The following CHRNA6 variants were observed in gnomAD, a reference collection of about 807,000 sequenced individuals.
The protein encoded by CHRNA6 is cholinergic receptor nicotinic alpha 6 subunit, also known as neuronal acetylcholine receptor subunit alpha-6.
In CHRNA6, 31 loss-of-function variants were observed where a neutral mutation model predicts 40.9. That is an observed-to-expected ratio of 0.76 (90% CI 0.57 to 1.02). CHRNA6 has a LOEUF of 1.02. Ranked by LOEUF, CHRNA6 falls within the 50% of genes least tolerant of loss-of-function variation. CHRNA6 has a pLI of 0.00. For synonymous variants in CHRNA6, 222 were observed against 221.3 expected (o/e 1.00, Z -0.03); for missense variants, 546 against 596.6 (o/e 0.92, Z 0.88).
At chr8:42,753,762 G>A (rs757362063) in intron 5 of CHRNA6, among the ~76,000 whole-genome samples, 8 of 152,160 alleles carry the variant, frequency 5.3e-5, no homozygotes, top group South Asian at 2.1e-4. Flanking sequence ...ATTTTGTTTC[G>A]TTTGCAGAGG....
chr8:42,756,271 T>G lies in CHRNA6; in HGVS notation c.928A>C (p.Thr310Pro), dbSNP rs773917226. Reference protein sequence around the residue: ...VPLVGEYLLFTMIFVTLSIVV... With the variant: ...VPLVGEYLLFPMIFVTLSIVV... ...ATGGACAGTGTGACAAAGATCATGG[T>G]GAACAGCAGGTACTCACCCACCAGT... The change falls in exon 5 of 6, where the codon ACC becomes CCC. Residue 310 changes from threonine (T) to proline (P), a missense_variant. Around this residue, in one of 3 missense-constraint regions of CHRNA6, gnomAD observed 476 missense variants for 494.5 expected, o/e 0.96. Transcript: ENST00000276410. 8.7e-6 allele frequency: 14 copies of G among 1,614,056 alleles called. No homozygotes were observed. The highest frequency in any genetic ancestry group is 6.7e-5 in the Admixed American group (4 of 59,998).
intron 2 of CHRNA6, among the ~76,000 whole-genome samples, chr8:42,764,273 C>T: frequency 6.6e-6 from 1 of 152,148 alleles, no homozygotes; most frequent in East Asian, 1.9e-4. Flanking sequence ...AATTCCCAAC[C>T]TCTTTTTTTT....
chr8:42,756,897 G>A (rs766013495), intron 4 of CHRNA6, 31 bp downstream of exon 4: 1 of 1,610,830 alleles, frequency 6.2e-7, no homozygotes, highest in Non-Finnish European at 8.5e-7. Context: ...AGCAGCTTTG[G>A]AAAGAGGCTA....
Position 42,756,755 on chromosome 8 carries a change from C to T in CHRNA6, c.444G>A (p.Trp148Ter), listed in dbSNP as rs919417562. 1 of 1,612,868 alleles carries T rather than the reference C, an allele frequency of 6.2e-7. No individual in the cohort carries two copies. The change falls in exon 5 of 6, where the codon TGG (tryptophan) becomes TGA (stop). Residue 148 changes from tryptophan to a stop codon, truncating the protein, a stop_gained. Coordinates refer to ENST00000276410, the MANE Select transcript of CHRNA6 (RefSeq NM_004198.3). LOFTEE classifies it high-confidence loss of function. ...AACTCTTAAAAATAGCTGGTGGAGTCCAGGTTATCATGCCATTGTATTTAA... is the reference window on the plus strand; with the variant it reads ...AACTCTTAAAAATAGCTGGTGGAGTTCAGGTTATCATGCCATTGTATTTAA... ...ALLKYNGMIT[W>*]TPPAIFKSSC...
At chr8:42,759,257 C>T (rs1309092033) in intron 2 of CHRNA6, 144 bp from the exon 3 acceptor site, 1 of 649,046 alleles carries the variant, frequency 1.5e-6, no homozygotes, top group East Asian at 2.7e-5. Flanking sequence ...TGAAAGCATT[C>T]AGCATGCAAG....
chr8:42,757,296 G>A (rs889069814), intron 3 of CHRNA6, among the ~76,000 whole-genome samples: 8 of 151,938 alleles, frequency 5.3e-5, no homozygotes, highest in Admixed American at 3.9e-4. Context: ...AACGTGGGGG[G>A]CAGAGTTTGC....
Position 42,756,223 on chromosome 8 carries a change from T to C in CHRNA6, c.976A>G (p.Asn326Asp). 6.2e-7 allele frequency: 1 copy of C among 1,614,202 alleles called. No homozygotes were observed. The highest frequency in any genetic ancestry group is 1.1e-5 in the South Asian group (1 of 91,082). Residue 326 changes from asparagine (N) to aspartate (D), a missense_variant, in exon 5 of 6, where the codon AAC becomes GAC. By Grantham distance (23) the Asn-to-Asp change is conservative (BLOSUM62 1). Around this residue, in one of 3 missense-constraint regions of CHRNA6, gnomAD observed 476 missense variants for 494.5 expected, o/e 0.96. Coordinates refer to ENST00000276410, the MANE Select transcript of CHRNA6 (RefSeq NM_004198.3). ...GTGGTTGGGGTGCGGTAGTGTATGT[T>C]CAACACAAACACAGTCACCACGATG... Reference protein sequence around the residue: ...LSIVVTVFVLNIHYRTPTTHT... With the variant: ...LSIVVTVFVLDIHYRTPTTHT...
At chr8:42,763,114 G>A (rs1348392783) in intron 2 of CHRNA6, among the ~76,000 whole-genome samples, 1 of 152,154 alleles carries the variant, frequency 6.6e-6, no homozygotes, top group Non-Finnish European at 1.5e-5. Context: ...TGAATGTGAG[G>A]ATGGGAATAC....
At chr8:42,760,373 CAT>C (rs1463614898) in intron 2 of CHRNA6, among the ~76,000 whole-genome samples, 20 of 152,138 alleles carry the variant, frequency 1.3e-4, no homozygotes, top group Non-Finnish European at 1.5e-5. Context: ...CATGCAAACT[CAT>C]ATACCCACTC....
At chr8:42,758,034 CA>C (rs1035815536) in intron 3 of CHRNA6, among the ~76,000 whole-genome samples, 3 of 140,388 alleles carry the variant, frequency 2.1e-5, no homozygotes, top group African/African-American at 8.2e-5. Flanking sequence ...GACTCCGTCT[CA>C]AAAAAAACCA....
At chr8:42,758,027 T>C (rs1816835836) in intron 3 of CHRNA6, among the ~76,000 whole-genome samples, 1 of 151,218 alleles carries the variant, frequency 6.6e-6, no homozygotes, top group African/African-American at 2.4e-5. Context: ...AGAGCGAGAC[T>C]CCGTCTCAAA....
chr8:42,767,247 A>G (rs1002268969), intron 1 of CHRNA6, among the ~76,000 whole-genome samples: 2 of 152,342 alleles, frequency 1.3e-5, no homozygotes, highest in East Asian at 3.9e-4. Context: ...GATTACAGGC[A>G]TGAGCCACCG....
At chr8:42,760,654 T>C (rs974807407) in intron 2 of CHRNA6, among the ~76,000 whole-genome samples, 2 of 152,098 alleles carry the variant, frequency 1.3e-5, no homozygotes, top group African/African-American at 4.8e-5. Flanking sequence ...ACACACACGC[T>C]AGCACACATG....
chr8:42,762,752 C>T (rs1429012130), intron 2 of CHRNA6, among the ~76,000 whole-genome samples: 1 of 152,172 alleles, frequency 6.6e-6, no homozygotes, highest in African/African-American at 2.4e-5. Flanking sequence ...TCGGAGGAAT[C>T]TCTAAAGGAT....
At chr8:42,760,187 C>T (rs1816877381) in intron 2 of CHRNA6, among the ~76,000 whole-genome samples, 1 of 152,162 alleles carries the variant, frequency 6.6e-6, no homozygotes, top group African/African-American at 2.4e-5. Context: ...ATGGAATGGT[C>T]CATGTGTGGA....
At chr8:42,766,035 A>G (rs1816970991) in intron 1 of CHRNA6, among the ~76,000 whole-genome samples, 1 of 152,222 alleles carries the variant, frequency 6.6e-6, no homozygotes, top group Admixed American at 6.5e-5. Flanking sequence ...TAGAACCCGA[A>G]ATACCATTTT....
At chr8:42,754,704 C>T (rs902791038) in intron 5 of CHRNA6, among the ~76,000 whole-genome samples, 1 of 152,218 alleles carries the variant, frequency 6.6e-6, no homozygotes, top group African/African-American at 2.4e-5. Context: ...TTTCAGATGC[C>T]TTCCGCTAGT....
Position 42,753,240 on chromosome 8 carries a change from C to A in CHRNA6, c.1424G>T (p.Cys475Phe), listed in dbSNP as rs1202235066. The A allele has an allele frequency of 1.9e-6, 3 of 1,611,990 alleles. No individual in the cohort carries two copies. The African/African-American group carries it at 4.0e-5, about 22-fold the overall frequency. ...AAATAGCCCTGCAGTTCCAAATACACAGACAATTATAAATACCCAAAGAAA... is the reference window on the plus strand; with the variant it reads ...AAATAGCCCTGCAGTTCCAAATACAAAGACAATTATAAATACCCAAAGAAA... ...RVFLWVFIIV[C>F]VFGTAGLFLQ... is the part of the protein sequence containing the mutation. The change falls in exon 6 of 6, where the codon TGT becomes TTT. Residue 475 changes from cysteine to phenylalanine, a missense_variant. Cys to Phe is a radical substitution (Grantham distance 205). Around this residue, in one of 3 missense-constraint regions of CHRNA6, gnomAD observed 65 missense variants for 83.8 expected, o/e 0.78. Transcript: ENST00000276410.
chr8:42,768,252 A>G, intron 1 of CHRNA6, 100 bp downstream of exon 1: 1 of 948,758 alleles, frequency 1.1e-6, no homozygotes, highest in Non-Finnish European at 1.6e-6. Context: ...TGCAGACCAT[A>G]GAAACTTTTA....
Sources: allele counts gnomAD v4.1 joint callset (sites outside exome capture counted in the v4.1 genomes callset), GRCh38; gene constraint gnomAD v4.1.1; regional missense constraint gnomAD v4.1.1; transcripts MANE v1.5; gene names NCBI Gene and HGNC (gene_info 2026-07-23, HGNC 2026-07-21).